The following CACNA2D3 variants were observed in gnomAD, a reference collection of about 807,000 sequenced individuals.
CACNA2D3 encodes the protein calcium voltage-gated channel auxiliary subunit alpha2delta 3, also known as voltage-dependent calcium channel subunit alpha-2/delta-3.
A neutral mutation model predicts 160.6 loss-of-function variants in CACNA2D3; 60 were observed. The ratio of observed to expected loss-of-function variants is 0.37; its 90% CI spans 0.30 to 0.46. The LOEUF (loss-of-function observed/expected upper bound fraction) is 0.46, where lower values mean the gene tolerates loss of function less well. Among genes scored for constraint, CACNA2D3 ranks in the 20% least tolerant of loss-of-function variants. The probability of loss-of-function intolerance (pLI) is 1.00; values close to 1 mark genes in which losing one functional copy is unlikely to be tolerated. For synonymous variants in CACNA2D3, 558 were observed against 492.9 expected, an observed-to-expected ratio of 1.13 and a Z score of -1.75; for missense variants, 1,205 against 1,365.0, an observed-to-expected ratio of 0.88 and a Z score of 1.85.
At chr3:54,283,594 T>C (rs1702933955) in intron 2 of CACNA2D3, among the ~76,000 whole-genome samples, 2 of 152,224 alleles carry the variant, frequency 1.3e-5, no homozygotes, top group East Asian at 3.8e-4. Context: ...TAGTGTGATA[T>C]TCTGGGGATA....
chr3:55,038,723 T>C (rs1703887640), intron 35 of CACNA2D3, among the ~76,000 whole-genome samples: 3 of 151,764 alleles, frequency 2.0e-5, no homozygotes, highest in African/African-American at 2.4e-5. Flanking sequence ...AACAGTTCCA[T>C]AAAACCCACC....
At chr3:54,569,374 C>G (rs952745771) in intron 6 of CACNA2D3, among the ~76,000 whole-genome samples, 3 of 152,196 alleles carry the variant, frequency 2.0e-5, no homozygotes, top group East Asian at 1.9e-4. Flanking sequence ...TTCAACCCCC[C>G]TCCTGTAGAC....
At chr3:54,776,324 A>G (rs1157861976) in intron 13 of CACNA2D3, among the ~76,000 whole-genome samples, 1 of 152,144 alleles carries the variant, frequency 6.6e-6, no homozygotes, top group Non-Finnish European at 1.5e-5. Context: ...GATGGGCAAC[A>G]TAGTGAGACC....
intron 2 of CACNA2D3, among the ~76,000 whole-genome samples, chr3:54,225,495 T>C (rs1369448052): frequency 6.6e-6 from 1 of 152,224 alleles, no homozygotes; most frequent in East Asian, 1.9e-4. Flanking sequence ...GTTTCCCATA[T>C]GTTATTTTTA....
intron 25 of CACNA2D3, among the ~76,000 whole-genome samples, chr3:54,895,879 G>T (rs927558730): frequency 1.3e-5 from 2 of 152,180 alleles, no homozygotes; most frequent in Non-Finnish European, 2.9e-5. Context: ...TATGCTTAAG[G>T]CTCTGTGAAG....
chr3:54,122,974 G>A (rs1233107683), intron 1 of CACNA2D3, 139 bp downstream of exon 1: 4 of 823,478 alleles, frequency 4.9e-6, no homozygotes, highest in Non-Finnish European at 6.4e-6. Flanking sequence ...CTGCCTTTCG[G>A]GACCCGCGTC....
At chr3:54,804,854 T>G (rs1209381143) in intron 13 of CACNA2D3, among the ~76,000 whole-genome samples, 1 of 152,172 alleles carries the variant, frequency 6.6e-6, no homozygotes, top group Non-Finnish European at 1.5e-5. Flanking sequence ...AAACTGTCTC[T>G]CAGACCACAG....
chr3:54,269,499 G>T (rs780782049), intron 2 of CACNA2D3, among the ~76,000 whole-genome samples: 1 of 152,146 alleles, frequency 6.6e-6, no homozygotes, highest in Non-Finnish European at 1.5e-5. Flanking sequence ...AAACATTGTG[G>T]ACCCCACCTT....
intron 2 of CACNA2D3, among the ~76,000 whole-genome samples, chr3:54,188,416 G>C (rs1700921896): frequency 6.6e-6 from 1 of 152,162 alleles, no homozygotes; most frequent in South Asian, 2.1e-4. Flanking sequence ...GTGGTTCATG[G>C]GTGCTGAATG....
chr3:54,454,487 T>A (rs1173822685), intron 4 of CACNA2D3, among the ~76,000 whole-genome samples: 2 of 152,158 alleles, frequency 1.3e-5, no homozygotes, highest in Non-Finnish European at 2.9e-5. Context: ...ACATAATAAT[T>A]GTACATATTT....
intron 14 of CACNA2D3, among the ~76,000 whole-genome samples, chr3:54,824,022 C>T (rs1415497162): frequency 1.3e-5 from 2 of 152,062 alleles, no homozygotes; most frequent in African/African-American, 4.8e-5. Flanking sequence ...CCCAACTCTC[C>T]CAAGAAATAA....
chr3:54,331,637 C>G (rs1050971988), intron 3 of CACNA2D3, among the ~76,000 whole-genome samples: 13 of 152,100 alleles, frequency 8.5e-5, no homozygotes, highest in African/African-American at 3.1e-4. Context: ...TTAAAAAATT[C>G]TTGGCTGGGT....
intron 4 of CACNA2D3, among the ~76,000 whole-genome samples, chr3:54,496,932 G>T (rs1027736758): frequency 5.3e-5 from 8 of 151,982 alleles, no homozygotes; most frequent in African/African-American, 1.9e-4. Flanking sequence ...CCATATATGT[G>T]CAGCTTTATT....
Position 54,814,322 on chromosome 3 carries a change from A to G in CACNA2D3, c.1381-2531A>G, listed in dbSNP as rs139538441. ...CTGGCCTTTCCCCAGCCCTCTCTCT[A>G]TCATTCCACTTTACAGGCAAGCACA... On this transcript the variant is annotated intron_variant, in intron 13 of 37. Transcript: ENST00000474759. Among the ~76,000 whole-genome samples, 66 of 152,318 alleles carry G rather than the reference A, an allele frequency of 4.3e-4. 1 individual carries two copies. The East Asian group carries it at 0.012, about 28-fold the overall frequency.
At chr3:54,596,667 C>T (rs935917405) in intron 9 of CACNA2D3, among the ~76,000 whole-genome samples, 1 of 152,028 alleles carries the variant, frequency 6.6e-6, no homozygotes, top group African/African-American at 2.4e-5. Context: ...TCTCCACCAG[C>T]TTTCTCTCTT....
chr3:54,796,254 T>G (rs1245021461), intron 13 of CACNA2D3, among the ~76,000 whole-genome samples: 1 of 152,224 alleles, frequency 6.6e-6, no homozygotes, highest in Non-Finnish European at 1.5e-5. Flanking sequence ...AAACAGGCTT[T>G]GGAGTCAGTC....
intron 2 of CACNA2D3, among the ~76,000 whole-genome samples, chr3:54,274,267 C>G (rs1702687673): frequency 6.6e-6 from 1 of 151,552 alleles, no homozygotes; most frequent in African/African-American, 2.4e-5. Flanking sequence ...AAGCAAAACC[C>G]CATAACTTTA....
intron 11 of CACNA2D3, among the ~76,000 whole-genome samples, chr3:54,729,639 G>C (rs772990122): frequency 3.3e-5 from 5 of 152,034 alleles, no homozygotes; most frequent in Non-Finnish European, 7.4e-5. Context: ...GTCTCTGTTC[G>C]GTGGGTCTTC....
chr3:54,894,011 T>A (rs892608045), intron 25 of CACNA2D3, among the ~76,000 whole-genome samples: 1 of 152,292 alleles, frequency 6.6e-6, no homozygotes, highest in Non-Finnish European at 1.5e-5. Context: ...TATGTAATTC[T>A]GATACAACCC....
Sources: allele counts gnomAD v4.1 joint callset (sites outside exome capture counted in the v4.1 genomes callset), GRCh38; gene constraint gnomAD v4.1.1; transcripts MANE v1.5; gene names NCBI Gene and HGNC (gene_info 2026-07-23, HGNC 2026-07-21).